The following STK32B variants were observed in gnomAD, a reference collection of about 807,000 sequenced individuals.
STK32B encodes the protein serine/threonine kinase 32B.
STK32B carries 43 observed loss-of-function variants against 52.6 expected under a neutral mutation model. The observed-to-expected ratio is 0.82, with a 90% CI of 0.64 to 1.05. The LOEUF is 1.05. Ranked by LOEUF, STK32B falls within the 50% of genes least tolerant of loss-of-function variation. The probability of loss-of-function intolerance (pLI) is 0.00; values close to 1 mark genes in which losing one functional copy is unlikely to be tolerated. For synonymous variants in STK32B, 238 were observed against 204.3 expected, an observed-to-expected ratio of 1.17 and a Z score of -1.41; for missense variants, 621 against 534.6, an observed-to-expected ratio of 1.16 and a Z score of -1.59.
chr4:5,452,930 T>C (rs781573270), intron 7 of STK32B, among the ~76,000 whole-genome samples: 7 of 151,878 alleles, frequency 4.6e-5, no homozygotes, highest in Non-Finnish European at 7.4e-5. Flanking sequence ...ACACAGCATA[T>C]CCTAAGGCCA....
At chr4:5,323,473 A>G (rs1335890209) in intron 3 of STK32B, among the ~76,000 whole-genome samples, 2 of 152,138 alleles carry the variant, frequency 1.3e-5, no homozygotes, top group African/African-American at 4.8e-5. Flanking sequence ...GGAGACGGCT[A>G]TGGGGAGAGA....
Position 5,309,462 on chromosome 4 carries a change from T to A in STK32B, c.261-21758T>A, listed in dbSNP as rs28827005. ...TGAGCAAAAAGAACAAGGTTGGAGG[T>A]ATCACACTACCAGACTTCAAAGTAT... On this transcript the variant is annotated intron_variant, in intron 3 of 11. Coordinates refer to ENST00000282908, the MANE Select transcript of STK32B (RefSeq NM_018401.3). Among the ~76,000 whole-genome samples, 397 of 152,144 alleles carry A rather than the reference T, an allele frequency of 2.6e-3. 1 individual carries two copies. The highest frequency in any genetic ancestry group is 4.5e-3 in the Non-Finnish European group (308 of 67,970).
At chr4:5,291,493 G>A (rs897761229) in intron 3 of STK32B, among the ~76,000 whole-genome samples, 20 of 152,082 alleles carry the variant, frequency 1.3e-4, no homozygotes, top group African/African-American at 4.6e-4. Context: ...CTGATTTTTT[G>A]TATATTAATT....
At chr4:5,263,789 C>G (rs1560270754) in intron 3 of STK32B, among the ~76,000 whole-genome samples, 1 of 152,188 alleles carries the variant, frequency 6.6e-6, no homozygotes, top group African/African-American at 2.4e-5. Flanking sequence ...CTATTTCTAT[C>G]ATCCCCCAAA....
At chr4:5,250,941 A>G (rs1725885695) in intron 3 of STK32B, among the ~76,000 whole-genome samples, 2 of 152,178 alleles carry the variant, frequency 1.3e-5, no homozygotes, top group East Asian at 1.9e-4. Flanking sequence ...TAAGTTCCTT[A>G]CAGATCCTGG....
intron 11 of STK32B, among the ~76,000 whole-genome samples, chr4:5,495,362 T>A (rs1720131859): frequency 6.6e-6 from 1 of 152,228 alleles, no homozygotes; most frequent in Admixed American, 6.5e-5. Context: ...TTCCAGTTGA[T>A]CTCATTGGCT....
chr4:5,114,743 A>G (rs1275168962), intron 1 of STK32B, among the ~76,000 whole-genome samples: 1 of 152,160 alleles, frequency 6.6e-6, no homozygotes, highest in Admixed American at 6.5e-5. Context: ...CAAGCAGTAC[A>G]TCTTCAGAAT....
At chr4:5,242,883 G>T (rs984211677) in intron 3 of STK32B, among the ~76,000 whole-genome samples, 2 of 152,164 alleles carry the variant, frequency 1.3e-5, no homozygotes, top group Admixed American at 1.3e-4. Flanking sequence ...AGATCAGATG[G>T]TTGTAGGTAT....
At chr4:5,209,628 C>G (rs1203347721) in intron 3 of STK32B, among the ~76,000 whole-genome samples, 3 of 152,060 alleles carry the variant, frequency 2.0e-5, no homozygotes, top group Non-Finnish European at 4.4e-5. Context: ...TTGCTTTATC[C>G]CCTCAACTGA....
intron 2 of STK32B, among the ~76,000 whole-genome samples, chr4:5,149,082 C>G (rs1347418168): frequency 2.6e-5 from 4 of 151,656 alleles, no homozygotes; most frequent in African/African-American, 9.7e-5. Context: ...TCTTTATTTT[C>G]TTAAAACGCT....
At chr4:5,305,942 A>G (rs927486549) in intron 3 of STK32B, among the ~76,000 whole-genome samples, 1 of 152,036 alleles carries the variant, frequency 6.6e-6, no homozygotes, top group Admixed American at 6.6e-5. Flanking sequence ...TTAAATTCCC[A>G]TCTTGATTTC....
rs570992667 is a variant in STK32B at position 5,173,413 on chromosome 4, T to C, written c.260+4963T>C. On this transcript the variant is annotated intron_variant, in intron 3 of 11. Coordinates refer to ENST00000282908, the MANE Select transcript of STK32B (RefSeq NM_018401.3). Reference sequence around the variant, plus strand: ...GTGATGTTAGCGTGTCAATTTTGGATCTTTCCTGCTTTCTCTTGTGGGCAT... The same window carrying C: ...GTGATGTTAGCGTGTCAATTTTGGACCTTTCCTGCTTTCTCTTGTGGGCAT... Among the ~76,000 whole-genome samples, 3 of 152,284 alleles carry C rather than the reference T, an allele frequency of 2.0e-5. No homozygotes were observed. In the South Asian group the frequency reaches 6.2e-4, roughly 32 times the overall value.
rs987843085 is a variant in STK32B, at chr4:5,395,112, T to C, written c.435-3095T>C. ...TTTCTTGCTACATATAGGCCAGCGG[T>C]CACTCTTCCTCCCAGGGACAGCTAC... On this transcript the variant is annotated intron_variant, in intron 4 of 11. Coordinates refer to ENST00000282908, the MANE Select transcript of STK32B (RefSeq NM_018401.3). The surrounding 1 kb of genome is among the most constrained non-coding windows in gnomAD (Gnocchi z 4.4). Among the ~76,000 whole-genome samples, 4 of 152,068 alleles carry C rather than the reference T, an allele frequency of 2.6e-5. No individual in the cohort carries two copies. Among genetic ancestry groups the C allele is most frequent in the Admixed American group, 6.5e-5 (1 of 15,276 alleles).
At chr4:5,411,502 G>A (rs1297180799) in intron 5 of STK32B, among the ~76,000 whole-genome samples, 1 of 152,178 alleles carries the variant, frequency 6.6e-6, no homozygotes, top group Non-Finnish European at 1.5e-5. Context: ...ATAGCTACTT[G>A]CATAGCCTTT....
intron 6 of STK32B, among the ~76,000 whole-genome samples, chr4:5,417,724 A>G (rs891082275): frequency 1.3e-5 from 2 of 152,150 alleles, no homozygotes; most frequent in Admixed American, 1.3e-4. Flanking sequence ...GAATGTCTAT[A>G]TTGTTATCAA....
chr4:5,490,107 A>T (rs1481176073), intron 11 of STK32B, among the ~76,000 whole-genome samples: 1 of 139,542 alleles, frequency 7.2e-6, no homozygotes, highest in Non-Finnish European at 1.6e-5. Context: ...TGTTTTAAGT[A>T]GGCATTTTTT....
chr4:5,343,742 C>G (rs754380175), intron 4 of STK32B, among the ~76,000 whole-genome samples: 1 of 152,162 alleles, frequency 6.6e-6, no homozygotes, highest in African/African-American at 2.4e-5. Flanking sequence ...AATTAAAGAG[C>G]TTCTGCACAG....
chr4:5,371,830 A>C (rs1167397195), intron 4 of STK32B, among the ~76,000 whole-genome samples: 2 of 152,230 alleles, frequency 1.3e-5, no homozygotes, highest in African/African-American at 2.4e-5. Context: ...CCCAGGACAG[A>C]GTTTGCTGAC....
At chr4:5,397,139 A>G (rs1371787724) in intron 4 of STK32B, among the ~76,000 whole-genome samples, 2 of 152,272 alleles carry the variant, frequency 1.3e-5, no homozygotes, top group African/African-American at 4.8e-5. Context: ...AATATTTGAT[A>G]AACTCAGGAG....
Sources: allele counts gnomAD v4.1 joint callset (sites outside exome capture counted in the v4.1 genomes callset), GRCh38; gene constraint gnomAD v4.1.1; non-coding constraint Gnocchi (gnomAD v3.1); transcripts MANE v1.5; gene names NCBI Gene and HGNC (gene_info 2026-07-23, HGNC 2026-07-21).